ABR: variants seen among roughly 807,000 people sequenced by gnomAD.
ABR encodes active breakpoint cluster region-related protein.
Under a neutral mutation model 107.2 loss-of-function variants are expected in ABR, and 35 were observed. That is an observed-to-expected ratio of 0.33 (90% CI 0.25 to 0.43). The LOEUF is 0.43. ABR is among the 20% of genes least tolerant of loss of function. ABR has a pLI of 1.00. For missense variants in ABR, 815 were observed against 1,115.2 expected, an observed-to-expected ratio of 0.73 and a Z score of 3.83; for synonymous variants, 498 against 462.0, an observed-to-expected ratio of 1.08 and a Z score of -1.00.
chr17:1,081,023 G>T lies in ABR; in HGVS notation c.640-1633C>A, dbSNP rs181959297. ...CTCTGCCCTCCAGGGTGGGCAGGCT[G>T]TGAGGGGCTTATGGTTGGGTGTGGG... On this transcript the variant is annotated intron_variant, in intron 5 of 22. Transcript: ENST00000302538. Among the ~76,000 whole-genome samples, 5 of 152,282 alleles carry T rather than the reference G, an allele frequency of 3.3e-5. No individual in the cohort carries two copies. In the East Asian group the frequency reaches 7.8e-4, roughly 24 times the overall value.
chr17:1,044,201 G>GC (rs1363660692), intron 16 of ABR, among the ~76,000 whole-genome samples: 3 of 151,986 alleles, frequency 2.0e-5, no homozygotes, highest in Non-Finnish European at 4.4e-5. Context: ...GCCGGTGGAG[G>GC]GGGGGCTCCC....
intron 16 of ABR, among the ~76,000 whole-genome samples, chr17:1,039,118 GGGAGGCT>G (rs1410337152): frequency 6.6e-6 from 1 of 152,122 alleles, no homozygotes; most frequent in Non-Finnish European, 1.5e-5. Context: ...TTGGTCTGTC[GGGAGGCT>G]GGATGTTCTC....
chr17:1,149,677 A>G (rs780529417), intron 1 of ABR, among the ~76,000 whole-genome samples: 4 of 152,180 alleles, frequency 2.6e-5, no homozygotes, highest in Non-Finnish European at 1.5e-5. Flanking sequence ...TTAGCCTCTC[A>G]AAGTGCTGGG....
At chr17:1,187,750 C>G (rs1195790654), upstream of ABR, among the ~76,000 whole-genome samples, 1 of 151,124 alleles carries the variant, frequency 6.6e-6, no homozygotes, top group Non-Finnish European at 1.5e-5. Context: ...AAAAAGTAGC[C>G]GGGCATGGTG....
intron 1 of ABR, among the ~76,000 whole-genome samples, chr17:1,169,350 T>C (rs1031175792): frequency 6.6e-6 from 1 of 152,182 alleles, no homozygotes; most frequent in Non-Finnish European, 1.5e-5. Context: ...GAAGATGAAA[T>C]GAGATCACGA....
intron 20 of ABR, 197 bp from the exon 21 acceptor site, chr17:1,009,981 G>T: frequency 1.7e-6 from 1 of 603,714 alleles, no homozygotes; most frequent in Non-Finnish European, 2.9e-6. Context: ...ACCACGACTG[G>T]TAACTCAGCC....
chr17:1,046,195 G>A (rs1430977254), intron 16 of ABR, among the ~76,000 whole-genome samples: 10 of 151,642 alleles, frequency 6.6e-5, no homozygotes, highest in African/African-American at 1.7e-4. Context: ...TAGTAGAGAC[G>A]GGGTTTCGCC....
chr17:1,149,425 G>GTTTT (rs34550378), intron 1 of ABR, among the ~76,000 whole-genome samples: 13 of 130,462 alleles, frequency 1.0e-4, no homozygotes, highest in African/African-American at 2.3e-4. Context: ...TCTGGTTTTA[G>GTTTT]TTTTTTTTTT....
intron 2 of ABR, among the ~76,000 whole-genome samples, chr17:1,103,585 C>T (rs547400863): frequency 6.6e-6 from 1 of 152,308 alleles, no homozygotes; most frequent in South Asian, 2.1e-4. Flanking sequence ...AGCATAGACC[C>T]TGGAAGCCCT....
intron 6 of ABR, among the ~76,000 whole-genome samples, chr17:1,077,259 C>T (rs992437722): frequency 1.3e-5 from 2 of 152,108 alleles, no homozygotes; most frequent in African/African-American, 2.4e-5. Context: ...CCCCTCCTCA[C>T]GAGCTGGCCC....
chr17:1,058,272 T>C (rs1043025520), intron 11 of ABR, among the ~76,000 whole-genome samples: 5 of 151,758 alleles, frequency 3.3e-5, no homozygotes, highest in African/African-American at 1.2e-4. Flanking sequence ...CCTGAGTAGC[T>C]GGGATTACAG....
chr17:1,097,331 C>T (rs1287919543), intron 3 of ABR, among the ~76,000 whole-genome samples: 1 of 152,172 alleles, frequency 6.6e-6, no homozygotes, highest in Non-Finnish European at 1.5e-5. Flanking sequence ...TGGCTCACAT[C>T]TGTAATCCCA....
intron 3 of ABR, among the ~76,000 whole-genome samples, chr17:1,098,425 C>T (rs574539064): frequency 5.9e-5 from 9 of 152,208 alleles, no homozygotes; most frequent in African/African-American, 1.4e-4. Flanking sequence ...ACCATGGGCC[C>T]GGCAATTACA....
chr17:1,059,081 A>G, intron 10 of ABR, among the ~76,000 whole-genome samples: 1 of 152,112 alleles, frequency 6.6e-6, no homozygotes, highest in Admixed American at 6.5e-5. Flanking sequence ...GTGATGCCCT[A>G]TGAGCACAGC....
upstream of ABR, among the ~76,000 whole-genome samples, chr17:1,188,515 A>G (rs909764184): frequency 6.7e-6 from 1 of 150,202 alleles, no homozygotes; most frequent in Non-Finnish European, 1.5e-5. Flanking sequence ...GCACCACTGT[A>G]CTCCAGCCTG....
intron 2 of ABR, among the ~76,000 whole-genome samples, chr17:1,101,537 G>C (rs1024728238): frequency 1.3e-5 from 2 of 152,028 alleles, no homozygotes; most frequent in Non-Finnish European, 2.9e-5. Flanking sequence ...CACCTTGCCC[G>C]ATGCTTGCCA....
At chr17:1,168,957 C>T (rs954230562) in intron 1 of ABR, among the ~76,000 whole-genome samples, 8 of 152,248 alleles carry the variant, frequency 5.3e-5, no homozygotes, top group Non-Finnish European at 7.3e-5. Context: ...GTCTGCAAGA[C>T]GCTTGCTGGC....
In ABR at chr17:1,078,768, A is replaced by C. The variant is rs2035950115; in HGVS notation, c.700+562T>G. ...TCTAAGCCCACTCCAGCCGGCCCCC[A>C]GAGGTGGGAGGGTCCGCCACCTCCC... On this transcript the variant is annotated intron_variant, in intron 6 of 22. Coordinates refer to ENST00000302538, the MANE Select transcript of ABR (RefSeq NM_021962.5). This position sits in a 1 kb window ranked among gnomAD's most constrained non-coding sequence, Gnocchi z 7.5. The C allele has an allele frequency of 6.5e-7, 1 of 1,526,808 alleles. No homozygotes were observed. The highest frequency in any genetic ancestry group is 2.0e-5 in the Admixed American group (1 of 50,882). The allele number at this position is 1,526,808 out of a possible 1,614,324, so 94.6% of individuals were successfully genotyped here. A position where few individuals can be genotyped will look rare whatever the true frequency, so the allele number is the denominator to read the frequency against.
intron 16 of ABR, among the ~76,000 whole-genome samples, chr17:1,047,514 G>A (rs2151011710): frequency 6.6e-6 from 1 of 152,374 alleles, no homozygotes; most frequent in East Asian, 1.9e-4. Flanking sequence ...TTCTGCAGCG[G>A]AGGGCCAGGG....
Sources: allele counts gnomAD v4.1 joint callset (sites outside exome capture counted in the v4.1 genomes callset), GRCh38; gene constraint gnomAD v4.1.1; non-coding constraint Gnocchi (gnomAD v3.1); transcripts MANE v1.5; gene names NCBI Gene and HGNC (gene_info 2026-07-23, HGNC 2026-07-21).